Variants in TRPM3 observed in about 807,000 individuals in gnomAD.
The protein encoded by TRPM3 is transient receptor potential cation channel subfamily M member 3.
Under a neutral mutation model 181.2 loss-of-function variants are expected in TRPM3, and 77 were observed. The ratio of observed to expected loss-of-function variants is 0.42; its 90% CI spans 0.35 to 0.51. The LOEUF (loss-of-function observed/expected upper bound fraction) is 0.51, where lower values mean the gene tolerates loss of function less well. Among genes scored for constraint, TRPM3 ranks in the 20% least tolerant of loss-of-function variants. The pLI, the probability that TRPM3 is intolerant of heterozygous loss-of-function variation, is 0.01. For missense variants in TRPM3, 1,759 were observed against 2,196.7 expected, an observed-to-expected ratio of 0.80 and a Z score of 3.98; for synonymous variants, 745 against 796.4, an observed-to-expected ratio of 0.94 and a Z score of 1.09.
chr9:70,976,115 G>A (rs763049051), intron 1 of TRPM3, among the ~76,000 whole-genome samples: 1 of 152,200 alleles, frequency 6.6e-6, no homozygotes, highest in African/African-American at 2.4e-5. Flanking sequence ...CCAGTGTGGT[G>A]AAGATTATCC....
chr9:70,574,421 G>A (rs1430414178), intron 22 of TRPM3, among the ~76,000 whole-genome samples: 3 of 152,116 alleles, frequency 2.0e-5, no homozygotes, highest in Admixed American at 6.5e-5. Flanking sequence ...TCTTTCCCTC[G>A]CAAATTCCTC....
chr9:70,626,105 G>A (rs142569692), intron 12 of TRPM3, among the ~76,000 whole-genome samples: 184 of 152,090 alleles, frequency 1.2e-3, no homozygotes, highest in Admixed American at 2.9e-3. Context: ...CTAGAGTTAT[G>A]GTGTCTTTTT....
At chr9:71,331,651 AGAG>A (rs1049334929) in intron 1 of TRPM3, among the ~76,000 whole-genome samples, 2 of 147,738 alleles carry the variant, frequency 1.4e-5, no homozygotes, top group African/African-American at 5.0e-5. Flanking sequence ...AGGAGGAAGA[AGAG>A]GAGAGGGAAG....
At chr9:70,663,893 C>A (rs1388916897) in intron 9 of TRPM3, among the ~76,000 whole-genome samples, 2 of 152,144 alleles carry the variant, frequency 1.3e-5, no homozygotes, top group East Asian at 3.8e-4. Context: ...AGAGAAAGAG[C>A]ACTGATTTTA....
intron 1 of TRPM3, among the ~76,000 whole-genome samples, chr9:71,353,299 G>A (rs771854666): frequency 2.5e-4 from 38 of 152,150 alleles, no homozygotes; most frequent in Non-Finnish European, 4.6e-4. Context: ...TGTGGAGGCA[G>A]GAACTGGACT....
chr9:70,774,780 G>T (rs1315268973), intron 7 of TRPM3: 1 of 152,148 alleles, frequency 6.6e-6, no homozygotes, highest in African/African-American at 2.4e-5. Flanking sequence ...GCTTTGCATG[G>T]AATATCCCAA....
At chr9:71,122,645 T>A (rs1220723832), upstream of TRPM3, among the ~76,000 whole-genome samples, 2 of 152,184 alleles carry the variant, frequency 1.3e-5, no homozygotes, top group Admixed American at 1.3e-4. Flanking sequence ...CAAGCAGATG[T>A]GATACACTGC....
chr9:71,366,251 G>A lies in TRPM3; in HGVS notation c.183+80402C>T, dbSNP rs7874521. ...ATTACCTGTCAAAGAGTACGCACAA[G>A]TACATGGGCACCTTTATCCTACTAC... is the stretch of plus-strand genomic sequence containing the variant. On this transcript the variant is annotated intron_variant, in intron 1 of 24. Coordinates refer to the TRPM3 transcript ENST00000357533. 9.5e-4 allele frequency among the ~76,000 whole-genome samples: 145 copies of A among 152,274 alleles called. 1 individual carries two copies. The highest frequency in any genetic ancestry group is 6.0e-3 in the South Asian group (29 of 4,830).
intron 1 of TRPM3, among the ~76,000 whole-genome samples, chr9:71,411,305 G>A (rs1052670440): frequency 2.0e-5 from 3 of 152,344 alleles, no homozygotes; most frequent in African/African-American, 7.2e-5. Context: ...AAAAGAGGAA[G>A]TCAAATAGTC....
intron 1 of TRPM3, among the ~76,000 whole-genome samples, chr9:71,248,686 G>T (rs895825541): frequency 6.6e-6 from 1 of 152,166 alleles, no homozygotes; most frequent in Non-Finnish European, 1.5e-5. Context: ...CTTGTTGTCT[G>T]CTTGATCTTC....
intron 1 of TRPM3, among the ~76,000 whole-genome samples, chr9:71,131,140 T>A (rs2074348765): frequency 6.6e-6 from 1 of 152,194 alleles, no homozygotes; most frequent in Non-Finnish European, 1.5e-5. Context: ...CTCTTGACAT[T>A]TCCAATTCAT....
At chr9:71,059,266 C>T (rs2061031678) in intron 1 of TRPM3, among the ~76,000 whole-genome samples, 1 of 151,924 alleles carries the variant, frequency 6.6e-6, no homozygotes, top group Non-Finnish European at 1.5e-5. Context: ...TCTGCCTGAA[C>T]TTCTCTAGGA....
chr9:70,948,893 A>G (rs1234688158), intron 1 of TRPM3, among the ~76,000 whole-genome samples: 4 of 152,130 alleles, frequency 2.6e-5, no homozygotes, highest in Non-Finnish European at 5.9e-5. Context: ...TTTCACTTCA[A>G]AAGTTTCATC....
At chr9:71,221,180 C>T (rs909160803) in intron 1 of TRPM3, among the ~76,000 whole-genome samples, 1 of 152,186 alleles carries the variant, frequency 6.6e-6, no homozygotes, top group Non-Finnish European at 1.5e-5. Context: ...TGGGCCAAAT[C>T]CTGACTCTTC....
intron 1 of TRPM3, among the ~76,000 whole-genome samples, chr9:71,109,656 A>G (rs1240643854): frequency 6.6e-6 from 1 of 152,178 alleles, no homozygotes; most frequent in Non-Finnish European, 1.5e-5. Flanking sequence ...TACCTAGACA[A>G]TCTACCAATG....
At chr9:71,429,635 T>G (rs1468247721) in intron 1 of TRPM3, among the ~76,000 whole-genome samples, 2 of 152,200 alleles carry the variant, frequency 1.3e-5, no homozygotes, top group Non-Finnish European at 2.9e-5. Context: ...CATTTTACGG[T>G]TCTGTTTGTG....
intron 1 of TRPM3, among the ~76,000 whole-genome samples, chr9:71,046,872 A>T (rs994603549): frequency 5.9e-5 from 9 of 152,178 alleles, no homozygotes; most frequent in African/African-American, 1.9e-4. Context: ...GGCCTTTCAC[A>T]GTTGTGTTCC....
At chr9:70,977,888 G>C (rs1323229255) in intron 1 of TRPM3, among the ~76,000 whole-genome samples, 2 of 152,220 alleles carry the variant, frequency 1.3e-5, no homozygotes, top group East Asian at 3.9e-4. Context: ...CTGGCACTTT[G>C]TTGTATTTAC....
chr9:70,745,690 T>C (rs1430753409), intron 8 of TRPM3, among the ~76,000 whole-genome samples: 3 of 152,196 alleles, frequency 2.0e-5, no homozygotes, highest in Admixed American at 6.5e-5. Context: ...TGATTCCTCT[T>C]ATGACTATAA....
Sources: gnomAD v4.1 joint callset for allele counts (sites outside exome capture counted in the v4.1 genomes callset) on GRCh38, gnomAD v4.1.1 for gene constraint, MANE v1.5 for transcripts, NCBI Gene and HGNC (gene_info 2026-07-23, HGNC 2026-07-21) for gene names.